MDGA2: variants seen among roughly 807,000 people sequenced by gnomAD.
The protein encoded by MDGA2 is MAM domain-containing glycosylphosphatidylinositol anchor protein 2.
MDGA2 carries 40 observed loss-of-function variants against 117.8 expected under a neutral mutation model. The ratio of observed to expected loss-of-function variants is 0.34; its 90% CI spans 0.26 to 0.44. The LOEUF (loss-of-function observed/expected upper bound fraction) is 0.44. MDGA2 is among the 20% of genes least tolerant of loss of function. The pLI, the probability that MDGA2 is intolerant of heterozygous loss-of-function variation, is 1.00. For synonymous variants in MDGA2, 452 were observed against 439.0 expected (o/e 1.03, Z -0.37); for missense variants, 1,123 against 1,250.6 (o/e 0.90, Z 1.54).
chr14:47,669,180 C>G (rs1194797942), intron 1 of MDGA2, among the ~76,000 whole-genome samples: 1 of 152,110 alleles, frequency 6.6e-6, no homozygotes, highest in East Asian at 1.9e-4. Context: ...GCTTCTCAAC[C>G]AGGGTTTAAG....
At chr14:47,084,274 GAAC>G (rs1890812928) in intron 6 of MDGA2, among the ~76,000 whole-genome samples, 1 of 152,002 alleles carries the variant, frequency 6.6e-6, no homozygotes, top group South Asian at 2.1e-4. Flanking sequence ...CTTGGAAACT[GAAC>G]AACACTCTTC....
intron 2 of MDGA2, among the ~76,000 whole-genome samples, chr14:47,295,979 T>TGG (rs1889059294): frequency 2.7e-5 from 4 of 147,226 alleles, no homozygotes; most frequent in Admixed American, 6.9e-5. Context: ...GATAGATAGA[T>TGG]ATAGTAAAGC....
intron 8 of MDGA2, among the ~76,000 whole-genome samples, chr14:47,013,798 T>A (rs1887987128): frequency 4.9e-5 from 2 of 41,070 alleles, no homozygotes; most frequent in African/African-American, 1.5e-4. Context: ...ATATATCTCC[T>A]TTTTTTTTTT....
At chr14:46,846,104 A>G (rs1880827113) in intron 15 of MDGA2, among the ~76,000 whole-genome samples, 1 of 151,988 alleles carries the variant, frequency 6.6e-6, no homozygotes, top group African/African-American at 2.4e-5. Flanking sequence ...GTCGATTTTA[A>G]AGCAAAACTA....
At chr14:47,236,301 A>AC (rs752374004) in intron 2 of MDGA2, among the ~76,000 whole-genome samples, 2,967 of 150,952 alleles carry the variant, frequency 0.02, 34 homozygotes, top group Non-Finnish European at 0.03. Flanking sequence ...AAAAAAAAAA[A>AC]AAAAAAAAAA....
intron 1 of MDGA2, among the ~76,000 whole-genome samples, chr14:47,417,268 A>T (rs1411385013): frequency 6.6e-6 from 1 of 152,188 alleles, no homozygotes; most frequent in Non-Finnish European, 1.5e-5. Context: ...CACACTCAAC[A>T]TTTTGCTGGA....
intron 4 of MDGA2, among the ~76,000 whole-genome samples, chr14:47,142,041 A>G (rs1189084896): frequency 6.6e-6 from 1 of 152,236 alleles, no homozygotes; most frequent in African/African-American, 2.4e-5. Flanking sequence ...TGCTTGTTTA[A>G]TAAATTTAAA....
chr14:47,040,217 T>A (rs2138672497), intron 7 of MDGA2, among the ~76,000 whole-genome samples: 1 of 152,178 alleles, frequency 6.6e-6, no homozygotes, highest in African/African-American at 2.4e-5. Flanking sequence ...GGGCACTAAT[T>A]CAGGGAAGAG....
chr14:47,282,650 T>C (rs567429145), intron 2 of MDGA2, among the ~76,000 whole-genome samples: 1 of 150,002 alleles, frequency 6.7e-6, no homozygotes, highest in Admixed American at 6.7e-5. Context: ...TGAGCCGAGA[T>C]AGGGCCACTG....
chr14:47,402,327 G>C, intron 1 of MDGA2, among the ~76,000 whole-genome samples: 1 of 12,308 alleles, frequency 8.1e-5, no homozygotes, highest in African/African-American at 1.9e-4. Flanking sequence ...AGAAACCCCA[G>C]AAACCCCCGC....
Position 47,674,499 on chromosome 14 carries a change from C to T in MDGA2, c.280+18G>A. ...CCTAAGAATCACAAGGTCACGATAG[C>T]GTCGCGATTCCACTCACCGTACACT... On this transcript the variant is annotated intron_variant, in intron 1 of 16. Transcript: ENST00000399232. The T allele has an allele frequency of 1.9e-6, 3 of 1,545,316 alleles. No individual in the cohort carries two copies. The South Asian group carries it at 3.6e-5, about 19-fold the overall frequency.
chr14:47,347,509 T>C (rs1890786514), intron 1 of MDGA2, among the ~76,000 whole-genome samples: 1 of 152,178 alleles, frequency 6.6e-6, no homozygotes, highest in Non-Finnish European at 1.5e-5. Flanking sequence ...ACAAGATGAC[T>C]CTAAGGTATC....
chr14:46,888,293 G>A (rs551489101), intron 10 of MDGA2, among the ~76,000 whole-genome samples: 16 of 151,984 alleles, frequency 1.1e-4, no homozygotes, highest in Non-Finnish European at 1.5e-4. Flanking sequence ...CTGATTGAAC[G>A]TAATACCAGA....
intron 8 of MDGA2, among the ~76,000 whole-genome samples, chr14:47,000,400 A>AATATATATATTTATATATAAAT (rs71112475): frequency 9.5e-5 from 11 of 115,604 alleles, no homozygotes; most frequent in Admixed American, 1.9e-4. Flanking sequence ...TTTATATATA[A>AATATATATATTTATATATAAAT]ATATATATTT....
chr14:47,587,478 G>C (rs577314822), intron 1 of MDGA2, among the ~76,000 whole-genome samples: 1 of 151,684 alleles, frequency 6.6e-6, no homozygotes, highest in Non-Finnish European at 1.5e-5. Context: ...ATCTGACACT[G>C]TGTCTCCCAA....
At chr14:47,035,704 G>C (rs941226387) in intron 7 of MDGA2, among the ~76,000 whole-genome samples, 1 of 152,108 alleles carries the variant, frequency 6.6e-6, no homozygotes, top group African/African-American at 2.4e-5. Context: ...AGAAACCTCT[G>C]ATCTAAAATC....
chr14:47,353,709 C>T (rs1006209230), intron 1 of MDGA2, among the ~76,000 whole-genome samples: 1 of 152,150 alleles, frequency 6.6e-6, no homozygotes, highest in Non-Finnish European at 1.5e-5. Context: ...CAGAAAGCTG[C>T]ATGGCTGAAT....
chr14:47,595,844 CA>C (rs1293204601), intron 1 of MDGA2, among the ~76,000 whole-genome samples: 3 of 152,064 alleles, frequency 2.0e-5, no homozygotes, highest in African/African-American at 7.2e-5. Flanking sequence ...TTCAAAGCCC[CA>C]AGTAAAGAAA....
chr14:47,674,775 GC>G lies in MDGA2; in HGVS notation c.21del (p.Leu8SerfsTer45). 1 of 691,950 alleles carries G rather than the reference GC, an allele frequency of 1.4e-6. No homozygotes were observed. 42.9% of individuals were successfully genotyped at this position (691,950 alleles called of 1,614,324 possible). The stretch of plus-strand genomic sequence containing the variant: ...CGGCGGCGGCGAGCGGAGCGCAGGA[GC>G]CCCGCACTCCACACACTCATGCACA... MSVWSA[G>X]LLRSARRRRR... On this transcript the variant is annotated frameshift_variant, in exon 1 of 17. Coordinates refer to ENST00000399232, the MANE Select transcript of MDGA2 (RefSeq NM_001113498.3). LOFTEE classifies it high-confidence loss of function.
Sources: allele counts gnomAD v4.1 joint callset (sites outside exome capture counted in the v4.1 genomes callset), GRCh38; gene constraint gnomAD v4.1.1; transcripts MANE v1.5; gene names NCBI Gene and HGNC (gene_info 2026-07-23, HGNC 2026-07-21).